The following JAZF1 variants were observed in gnomAD, a reference collection of about 807,000 sequenced individuals.
JAZF1 encodes the protein juxtaposed with another zinc finger protein 1.
In JAZF1, 8 loss-of-function variants were observed where a neutral mutation model predicts 26.4. The observed-to-expected ratio is 0.30, with a 90% CI of 0.18 to 0.55. JAZF1 has a LOEUF of 0.55. Among genes scored for constraint, JAZF1 ranks in the 20% least tolerant of loss-of-function variants. The pLI is 0.94. For synonymous variants in JAZF1, 126 were observed against 122.3 expected (o/e 1.03, Z -0.20); for missense variants, 199 against 322.0 (o/e 0.62, Z 2.92).
chr7:27,839,275 G>C (rs1441017881), intron 4 of JAZF1, among the ~76,000 whole-genome samples: 1 of 152,206 alleles, frequency 6.6e-6, no homozygotes, highest in Non-Finnish European at 1.5e-5. Context: ...TGGCCCTGGA[G>C]AGCAGGCAGC....
chr7:28,027,093 C>T (rs576490268), intron 1 of JAZF1, among the ~76,000 whole-genome samples: 4 of 152,352 alleles, frequency 2.6e-5, no homozygotes, highest in African/African-American at 9.6e-5. Context: ...AACAGCTGAG[C>T]TGGCTTGTCA....
chr7:27,912,645 G>A (rs1430727258), intron 2 of JAZF1, among the ~76,000 whole-genome samples: 2 of 152,122 alleles, frequency 1.3e-5, no homozygotes, highest in Non-Finnish European at 2.9e-5. Context: ...CAAAAACCTT[G>A]AAATTTAGAG....
intron 1 of JAZF1, among the ~76,000 whole-genome samples, chr7:28,119,035 C>G (rs1784795501): frequency 6.6e-6 from 1 of 152,188 alleles, no homozygotes; most frequent in South Asian, 2.1e-4. Flanking sequence ...AGTATGGCTC[C>G]TAAGACCTCT....
intron 3 of JAZF1, among the ~76,000 whole-genome samples, chr7:27,870,224 C>T (rs1157118292): frequency 6.6e-6 from 1 of 151,894 alleles, no homozygotes; most frequent in African/African-American, 2.4e-5. Flanking sequence ...CATGCCTGGC[C>T]CCTAACTGCA....
intron 1 of JAZF1, among the ~76,000 whole-genome samples, chr7:28,081,844 T>C (rs1784142057): frequency 1.3e-5 from 2 of 152,214 alleles, no homozygotes; most frequent in African/African-American, 4.8e-5. Flanking sequence ...TATTATGCCA[T>C]TTTCATTACC....
chr7:28,066,439 T>C (rs913179607), intron 1 of JAZF1, among the ~76,000 whole-genome samples: 5 of 151,336 alleles, frequency 3.3e-5, no homozygotes, highest in African/African-American at 9.7e-5. Context: ...CCATCTCTAC[T>C]AAAAATACAA....
chr7:28,001,069 T>C (rs142101532), intron 1 of JAZF1, among the ~76,000 whole-genome samples: 356 of 152,038 alleles, frequency 2.3e-3, no homozygotes, highest in East Asian at 0.011. Context: ...TTAACAATAA[T>C]CTGGCCGGGC....
At chr7:28,035,852 C>T (rs1359224212) in intron 1 of JAZF1, among the ~76,000 whole-genome samples, 1 of 151,986 alleles carries the variant, frequency 6.6e-6, no homozygotes, top group Non-Finnish European at 1.5e-5. Context: ...AACCTGAAAC[C>T]CTGAGAACAG....
intron 1 of JAZF1, among the ~76,000 whole-genome samples, chr7:28,110,261 G>A (rs1784621046): frequency 6.6e-6 from 1 of 151,580 alleles, no homozygotes. Flanking sequence ...CCCCATTTCT[G>A]ATAAAAATAC....
chr7:28,114,400 C>T (rs1270357021), intron 1 of JAZF1, among the ~76,000 whole-genome samples: 1 of 151,772 alleles, frequency 6.6e-6, no homozygotes, highest in Non-Finnish European at 1.5e-5. Flanking sequence ...GACATCTCTG[C>T]AGTTTGTAAT....
At chr7:28,109,632 C>A (rs1376969247) in intron 1 of JAZF1, among the ~76,000 whole-genome samples, 1 of 152,194 alleles carries the variant, frequency 6.6e-6, no homozygotes, top group African/African-American at 2.4e-5. Context: ...ATTTTACACA[C>A]AAGGAAACTA....
rs574281326 is a variant in JAZF1 at position 28,090,753 on chromosome 7, T to C, written c.115+89710A>G. 5.5e-4 allele frequency among the ~76,000 whole-genome samples: 83 copies of C among 152,118 alleles called. 1 individual carries two copies. In the South Asian group the frequency reaches 0.016, roughly 30 times the overall value. On this transcript the variant is annotated intron_variant, in intron 1 of 4. Coordinates refer to ENST00000283928, the MANE Select transcript of JAZF1 (RefSeq NM_175061.4). The stretch of plus-strand genomic sequence containing the variant: ...CTTTTAACCACACCTCCTCATTCTC[T>C]GTCTTCCTCTTTTCCTATTCAAGCT...
At chr7:27,893,898 G>A (rs1419640709) in intron 3 of JAZF1, among the ~76,000 whole-genome samples, 1 of 152,182 alleles carries the variant, frequency 6.6e-6, no homozygotes, top group Non-Finnish European at 1.5e-5. Flanking sequence ...GCTCTGGTCA[G>A]CTACCACCCT....
intron 1 of JAZF1, among the ~76,000 whole-genome samples, chr7:28,105,757 G>C (rs1363291674): frequency 6.6e-6 from 1 of 152,192 alleles, no homozygotes; most frequent in Non-Finnish European, 1.5e-5. Context: ...TGTTACCACA[G>C]ACGCAAGAGG....
At position 28,092,290 on chromosome 7, in the gene JAZF1, C is replaced by CAAAAAAAAAAAA. The variant is rs749913273; in HGVS notation, c.115+88161_115+88172dup. ...AACATCCCATTTCAGGGACAAAAGG[C>CAAAAAAAAAAAA]AAAAAAAAAAAAAAAAAAAAAAAAA... is the stretch of plus-strand genomic sequence containing the variant. On this transcript the variant is annotated intron_variant, in intron 1 of 4. Transcript: ENST00000283928. Among the ~76,000 whole-genome samples, 32 of 12,800 alleles carry CAAAAAAAAAAAA rather than the reference C, an allele frequency of 2.5e-3. 9 individuals are homozygous for CAAAAAAAAAAAA. The highest frequency in any genetic ancestry group is 3.7e-3 in the Non-Finnish European group (19 of 5,182). The allele number at this position is 12,800 out of a possible 152,430, so 8.4% of individuals were successfully genotyped here.
At position 28,122,887 on chromosome 7, in the gene JAZF1, C is replaced by A. The variant is rs183665712; in HGVS notation, c.115+57576G>T. The stretch of plus-strand genomic sequence containing the variant: ...ATTAACTGGAATGATGGTTCCTTCA[C>A]ATAAGTGACATTTCAGCCTCGATGA... On this transcript the variant is annotated intron_variant, in intron 1 of 4. Coordinates refer to ENST00000283928, the MANE Select transcript of JAZF1 (RefSeq NM_175061.4). Among the ~76,000 whole-genome samples the A allele has an allele frequency of 2.6e-5, 4 of 152,296 alleles. No homozygotes were observed. In the East Asian group the frequency reaches 7.7e-4, roughly 29 times the overall value.
Position 27,840,376 on chromosome 7 carries a change from T to G in JAZF1, c.555+322A>C, listed in dbSNP as rs1181404364. On this transcript the variant is annotated intron_variant, in intron 4 of 4. Coordinates refer to ENST00000283928, the MANE Select transcript of JAZF1 (RefSeq NM_175061.4). The surrounding 1 kb of genome is among the most constrained non-coding windows in gnomAD (Gnocchi z 5.1). Reference sequence around the variant, plus strand: ...TAAAGTAGGTTGACATATTTGATATTCTGTTCTGATGGGTCCCCCAATATG... The same window carrying G: ...TAAAGTAGGTTGACATATTTGATATGCTGTTCTGATGGGTCCCCCAATATG... 6.6e-6 allele frequency among the ~76,000 whole-genome samples: 1 copy of G among 152,250 alleles called. No individual in the cohort carries two copies. The highest frequency in any genetic ancestry group is 1.5e-5 in the Non-Finnish European group (1 of 68,044).
At chr7:28,048,424 T>C (rs1331421732) in intron 1 of JAZF1, among the ~76,000 whole-genome samples, 1 of 152,202 alleles carries the variant, frequency 6.6e-6, no homozygotes, top group Non-Finnish European at 1.5e-5. Flanking sequence ...AGTTGCTCTT[T>C]TTCTCAAATA....
At chr7:27,951,442 A>G in intron 2 of JAZF1, among the ~76,000 whole-genome samples, 1 of 152,226 alleles carries the variant, frequency 6.6e-6, no homozygotes, top group East Asian at 1.9e-4. Context: ...TACATGAATA[A>G]AAAGGAAAAG....
Sources: gnomAD v4.1 joint callset for allele counts (sites outside exome capture counted in the v4.1 genomes callset) on GRCh38, gnomAD v4.1.1 for gene constraint, Gnocchi (gnomAD v3.1) non-coding constraint, MANE v1.5 for transcripts, NCBI Gene and HGNC (gene_info 2026-07-23, HGNC 2026-07-21) for gene names.